KIAA0753: variants seen among roughly 807,000 people sequenced by gnomAD.
The protein encoded by KIAA0753 is KIAA0753.
Under a neutral mutation model 116.9 loss-of-function variants are expected in KIAA0753, and 114 were observed. The ratio of observed to expected loss-of-function variants is 0.98; its 90% CI spans 0.84 to 1.14. The LOEUF is 1.14. Among genes scored for constraint, KIAA0753 ranks in the 50% most tolerant of loss-of-function variants. KIAA0753 has a pLI of 0.00. For missense variants in KIAA0753, 1,156 were observed against 1,172.4 expected, an observed-to-expected ratio of 0.99 and a Z score of 0.20; for synonymous variants, 405 against 413.1, an observed-to-expected ratio of 0.98 and a Z score of 0.24.
In KIAA0753 at chr17:6,617,094, T is replaced by C. The variant is rs142987182; in HGVS notation, c.1315+3694A>G. Among the ~76,000 whole-genome samples, 517 of 152,350 alleles carry C rather than the reference T, an allele frequency of 3.4e-3. 5 individuals are homozygous for C. The highest frequency in any genetic ancestry group is 0.017 in the Middle Eastern group (5 of 294). On this transcript the variant is annotated intron_variant, in intron 7 of 18. Transcript: ENST00000361413. ...CACTTCTCTGTGTGCAGGCCTGGAA[T>C]GCTCTCTCCATTTCCTCCAGTCTAT...
Position 6,628,476 on chromosome 17 carries a change from T to A in KIAA0753, c.359A>T (p.His120Leu), listed in dbSNP as rs1257670122. 1 of 1,614,232 alleles carries A rather than the reference T, an allele frequency of 6.2e-7. No individual in the cohort carries two copies. Among genetic ancestry groups the A allele is most frequent in the South Asian group, 1.1e-5 (1 of 91,082 alleles). Residue 120 changes from histidine to leucine, a missense_variant, in exon 3 of 19, where the codon CAT becomes CTT. Physicochemically the swap from His to Leu is moderately conservative, Grantham distance 99 (BLOSUM62 -3). Coordinates refer to ENST00000361413, the MANE Select transcript of KIAA0753 (RefSeq NM_014804.3). Reference sequence around the variant, plus strand: ...GCTTTGAGGCTGACTTCTGAGATGATGTTCTTTTATATGTTTTTCAAATTG... The same window carrying A: ...GCTTTGAGGCTGACTTCTGAGATGAAGTTCTTTTATATGTTTTTCAAATTG... The part of the protein sequence containing the change: ...RRQFEKHIKE[H>L]HLRSQPQSSQ...
intron 8 of KIAA0753, among the ~76,000 whole-genome samples, chr17:6,611,573 T>C (rs1435748902): frequency 6.6e-6 from 1 of 152,116 alleles, no homozygotes; most frequent in Non-Finnish European, 1.5e-5. Context: ...ATTATAGGCC[T>C]GAGACACCAC....
intron 2 of KIAA0753, among the ~76,000 whole-genome samples, chr17:6,630,529 T>G (rs1182925116): frequency 1.3e-5 from 2 of 152,080 alleles, no homozygotes; most frequent in Non-Finnish European, 2.9e-5. Flanking sequence ...AGCAGGCAAC[T>G]TGAAGGACAA....
chr17:6,595,287 G>A (rs943962837), intron 15 of KIAA0753, among the ~76,000 whole-genome samples: 2 of 152,212 alleles, frequency 1.3e-5, no homozygotes, highest in African/African-American at 4.8e-5. Flanking sequence ...CTGCTGCAGT[G>A]AGGAAATGTT....
chr17:6,638,124 G>A (rs1972449176), intron 1 of KIAA0753: 2 of 148,490 alleles, frequency 1.3e-5, no homozygotes, highest in South Asian at 2.1e-4. Context: ...AATCCTCCCC[G>A]CCAGACCACA....
In KIAA0753 at chr17:6,594,971, C is replaced by T; in HGVS notation, c.2440+1G>A. 1 of 1,604,988 alleles carries T rather than the reference C, an allele frequency of 6.2e-7. No homozygotes were observed. Among genetic ancestry groups the T allele is most frequent in the Non-Finnish European group, 8.5e-7 (1 of 1,173,290 alleles). On this transcript the variant is annotated splice_donor_variant, in intron 16 of 18. Coordinates refer to ENST00000361413, the MANE Select transcript of KIAA0753 (RefSeq NM_014804.3). LOFTEE classifies it high-confidence loss of function. ...GGGGAAAAACATGGGGAAACACTCA[C>T]CATTGTTTTCTTCCTGCATCCAAAG...
At chr17:6,599,393 AC>A in intron 13 of KIAA0753, 73 bp from the exon 14 acceptor site, 1 of 1,004,814 alleles carries the variant, frequency 1.0e-6, no homozygotes, top group Non-Finnish European at 1.5e-6. Flanking sequence ...GAATTCTATT[AC>A]CAGAATGACT....
chr17:6,604,421 T>C (rs1970064473), intron 12 of KIAA0753, among the ~76,000 whole-genome samples: 1 of 152,026 alleles, frequency 6.6e-6, no homozygotes, highest in Non-Finnish European at 1.5e-5. Flanking sequence ...GGTTAAACTA[T>C]GGTTTGTTTG....
chr17:6,587,016 C>T (rs990278072), intron 18 of KIAA0753, among the ~76,000 whole-genome samples: 8 of 152,082 alleles, frequency 5.3e-5, no homozygotes, highest in Non-Finnish European at 1.2e-4. Flanking sequence ...GGGTGGATCA[C>T]CTGAGGTTAT....
At chr17:6,632,677 T>A (rs894450752) in intron 2 of KIAA0753, among the ~76,000 whole-genome samples, 4 of 152,200 alleles carry the variant, frequency 2.6e-5, no homozygotes, top group African/African-American at 9.6e-5. Flanking sequence ...ATGGTGAAAG[T>A]CAACACTGCT....
chr17:6,629,005 C>A (rs1289029810), intron 2 of KIAA0753, among the ~76,000 whole-genome samples: 1 of 152,194 alleles, frequency 6.6e-6, no homozygotes, highest in Non-Finnish European at 1.5e-5. Flanking sequence ...TAAAAGTAAA[C>A]CCAGAAAGCT....
chr17:6,625,695 G>A (rs756234661), intron 3 of KIAA0753, among the ~76,000 whole-genome samples: 12 of 152,014 alleles, frequency 7.9e-5, no homozygotes, highest in Non-Finnish European at 1.5e-4. Flanking sequence ...AAAAGAGAGA[G>A]AGACATTAAG....
chr17:6,630,640 T>A (rs1034068312), intron 2 of KIAA0753, among the ~76,000 whole-genome samples: 1 of 152,220 alleles, frequency 6.6e-6, no homozygotes, highest in East Asian at 1.9e-4. Flanking sequence ...CACTGCTATA[T>A]TGTTTGTAAC....
intron 2 of KIAA0753, among the ~76,000 whole-genome samples, chr17:6,633,058 G>C (rs1330040685): frequency 6.6e-6 from 1 of 152,134 alleles, no homozygotes; most frequent in African/African-American, 2.4e-5. Flanking sequence ...TTCTGATTCT[G>C]ATCATTGTAC....
intron 6 of KIAA0753, among the ~76,000 whole-genome samples, chr17:6,621,827 G>A (rs570528764): frequency 2.7e-4 from 41 of 151,962 alleles, no homozygotes; most frequent in Non-Finnish European, 4.1e-4. Context: ...TGTTTCTTAC[G>A]GATACGTTAA....
chr17:6,631,232 TGAA>T (rs1972006658), intron 2 of KIAA0753, among the ~76,000 whole-genome samples: 1 of 152,112 alleles, frequency 6.6e-6, no homozygotes, highest in South Asian at 2.1e-4. Context: ...CGCTAAAAAG[TGAA>T]GATGAAAAAA....
At chr17:6,596,078 C>G in intron 15 of KIAA0753, 80 bp downstream of exon 15, 1 of 1,354,510 alleles carries the variant, frequency 7.4e-7, no homozygotes, top group Non-Finnish European at 1.0e-6. Context: ...ACAGATGAGG[C>G]TGCAGAGGCA....
Position 6,590,538 on chromosome 17 carries a change from T to C in KIAA0753, c.2533A>G (p.Ile845Val), listed in dbSNP as rs760591697. The C allele has an allele frequency of 9.9e-6, 16 of 1,614,100 alleles. No individual in the cohort carries two copies. The highest frequency in any genetic ancestry group is 8.0e-5 in the African/African-American group (6 of 75,044). Residue 845 changes from isoleucine to valine, a missense_variant, in exon 17 of 19, where the codon ATC (isoleucine) becomes GTC (valine). Physicochemically the swap from Ile to Val is conservative, Grantham distance 29. Coordinates refer to ENST00000361413, the MANE Select transcript of KIAA0753 (RefSeq NM_014804.3). ...TVDRKDPAVNIMLERPCNGNS... is the reference protein window; with the variant it reads ...TVDRKDPAVNVMLERPCNGNS... Reference sequence around the variant, plus strand: ...CCATTACAGGGCCTTTCTAACATGATGTTCACGGCTGGATCCTTGCGATCC... The same window carrying C: ...CCATTACAGGGCCTTTCTAACATGACGTTCACGGCTGGATCCTTGCGATCC...
intron 18 of KIAA0753, among the ~76,000 whole-genome samples, chr17:6,588,230 A>T (rs950756044): frequency 8.5e-5 from 13 of 152,222 alleles, no homozygotes; most frequent in African/African-American, 3.1e-4. Flanking sequence ...TCAGCCAAGT[A>T]ATCAATCAAG....
Sources: allele counts gnomAD v4.1 joint callset (sites outside exome capture counted in the v4.1 genomes callset), GRCh38; gene constraint gnomAD v4.1.1; transcripts MANE v1.5; gene names NCBI Gene and HGNC (gene_info 2026-07-23, HGNC 2026-07-21).